CPQ: variants seen among roughly 807,000 people sequenced by gnomAD.
The protein encoded by CPQ is Ser-Met dipeptidase.
Under a neutral mutation model 45.7 loss-of-function variants are expected in CPQ, and 37 were observed. The observed-to-expected ratio is 0.81, with a 90% CI of 0.62 to 1.07. The LOEUF is 1.07. CPQ is among the 50% of genes least tolerant of loss of function. The probability of loss-of-function intolerance (pLI) is 0.00; values close to 1 mark genes in which losing one functional copy is unlikely to be tolerated. For missense variants in CPQ, 537 were observed against 572.9 expected (o/e 0.94, Z 0.64); for synonymous variants, 186 against 205.8 (o/e 0.90, Z 0.82).
chr8:96,710,602 C>T (rs143064964), intron 1 of CPQ, among the ~76,000 whole-genome samples: 45 of 152,132 alleles, frequency 3.0e-4, no homozygotes, highest in East Asian at 1.5e-3. Flanking sequence ...TCATTGCTAC[C>T]GCAAAAATCA....
chr8:97,082,778 C>T (rs1425254679), intron 7 of CPQ, among the ~76,000 whole-genome samples: 1 of 152,130 alleles, frequency 6.6e-6, no homozygotes, highest in African/African-American at 2.4e-5. Context: ...CTGAAGTGTT[C>T]TGTCCTCCCA....
intron 2 of CPQ, among the ~76,000 whole-genome samples, chr8:96,829,739 G>C (rs188761643): frequency 3.4e-4 from 51 of 152,158 alleles, no homozygotes; most frequent in Middle Eastern, 3.4e-3. Flanking sequence ...GCTGATTTAT[G>C]TTCTCTCATG....
intron 2 of CPQ, among the ~76,000 whole-genome samples, chr8:96,833,424 G>C (rs1811485450): frequency 6.6e-6 from 1 of 152,162 alleles, no homozygotes; most frequent in South Asian, 2.1e-4. Flanking sequence ...TTCATTTCTA[G>C]TGGCTCCAAT....
intron 7 of CPQ, among the ~76,000 whole-genome samples, chr8:97,103,863 G>A (rs923792208): frequency 6.6e-6 from 1 of 152,212 alleles, no homozygotes; most frequent in Non-Finnish European, 1.5e-5. Flanking sequence ...ATCATTGGCT[G>A]AGGACTGATC....
Position 97,066,116 on chromosome 8 carries a change from G to C in CPQ, c.1161G>C (p.Glu387Asp). The C allele has an allele frequency of 6.2e-7, 1 of 1,612,454 alleles. No individual in the cohort carries two copies. The highest frequency in any genetic ancestry group is 8.5e-7 in the Non-Finnish European group (1 of 1,179,526). ...GSEKARAIMEEVMSLLQPLNI... is the reference protein window; with the variant it reads ...GSEKARAIMEDVMSLLQPLNI... ...AAAAGGCCAGGGCCATCATGGAGGA[G>C]GTTATGAGCCTGCTGCAGCCCCTCA... Residue 387 changes from glutamate (E) to aspartate (D), a missense_variant, in exon 7 of 8, where the codon GAG (glutamate) becomes GAC (aspartate). Physicochemically the swap from Glu to Asp is conservative, Grantham distance 45. Transcript: ENST00000220763.
At chr8:97,069,882 G>T (rs919189962) in intron 7 of CPQ, among the ~76,000 whole-genome samples, 1 of 152,052 alleles carries the variant, frequency 6.6e-6, no homozygotes, top group South Asian at 2.1e-4. Context: ...TGATAGAACT[G>T]TATATCTATC....
At chr8:96,884,993 G>A (rs1328671511) in intron 4 of CPQ, among the ~76,000 whole-genome samples, 1 of 152,158 alleles carries the variant, frequency 6.6e-6, no homozygotes, top group Non-Finnish European at 1.5e-5. Context: ...TATCTTTGGA[G>A]ACTTGAAAGT....
chr8:96,905,174 GA>G lies in CPQ; in HGVS notation c.849+25170del, dbSNP rs577646562. On this transcript the variant is annotated intron_variant, in intron 4 of 7. Transcript: ENST00000220763. ...CATGGTGACAGGAGAAAGAGAGAGA[GA>G]GAGTGAGGGGGGAAGTGCCACACTT... 9.9e-5 allele frequency among the ~76,000 whole-genome samples: 15 copies of G among 152,224 alleles called. No homozygotes were observed. The South Asian group carries it at 3.1e-3, about 32-fold the overall frequency.
At chr8:97,024,934 T>C (rs1378396123) in intron 5 of CPQ, among the ~76,000 whole-genome samples, 1 of 152,190 alleles carries the variant, frequency 6.6e-6, no homozygotes, top group East Asian at 1.9e-4. Flanking sequence ...TCTGCAAAGT[T>C]AGATCACAGA....
At chr8:96,797,561 G>A (rs1412169346) in intron 2 of CPQ, among the ~76,000 whole-genome samples, 9 of 152,162 alleles carry the variant, frequency 5.9e-5, no homozygotes, top group Admixed American at 3.3e-4. Context: ...GTATCTCCAA[G>A]GGCATTCTGA....
chr8:97,056,265 GA>G (rs1166919719), intron 6 of CPQ: 1 of 152,144 alleles, frequency 6.6e-6, no homozygotes, highest in Non-Finnish European at 1.5e-5. Context: ...GGAGATGCAT[GA>G]AAATATGAAT....
intron 5 of CPQ, among the ~76,000 whole-genome samples, chr8:97,006,622 T>C (rs1809388588): frequency 6.6e-6 from 1 of 152,218 alleles, no homozygotes; most frequent in Non-Finnish European, 1.5e-5. Flanking sequence ...TATTACTGTC[T>C]TTCCCTTTCT....
intron 7 of CPQ, among the ~76,000 whole-genome samples, chr8:97,088,906 A>C (rs756593747): frequency 2.0e-5 from 3 of 152,216 alleles, no homozygotes; most frequent in Non-Finnish European, 4.4e-5. Flanking sequence ...TAGGAAGTCC[A>C]AGCTATACTC....
intron 3 of CPQ, among the ~76,000 whole-genome samples, chr8:96,865,375 G>C (rs968446897): frequency 3.3e-5 from 5 of 152,128 alleles, no homozygotes; most frequent in Admixed American, 3.3e-4. Flanking sequence ...CTCTGTCTTA[G>C]GGAAGAATAA....
intron 4 of CPQ, among the ~76,000 whole-genome samples, chr8:96,946,134 C>A (rs1586461840): frequency 1.3e-5 from 2 of 149,694 alleles, no homozygotes. Context: ...GCTCCTCTTG[C>A]ATTTGATTTC....
At chr8:96,920,478 G>C (rs7002913) in intron 4 of CPQ, among the ~76,000 whole-genome samples, 74,267 of 151,960 alleles carry the variant, frequency 0.49, 20,246 homozygotes, top group Non-Finnish European at 0.62. Context: ...TTCTGCCATT[G>C]TGCTAATTAG....
At chr8:96,973,366 A>G (rs1813715376) in intron 5 of CPQ, among the ~76,000 whole-genome samples, 1 of 152,174 alleles carries the variant, frequency 6.6e-6, no homozygotes, top group South Asian at 2.1e-4. Flanking sequence ...GAAGTTTGGG[A>G]TTATGTTAAA....
chr8:97,038,825 C>CAAAAAAAAAAAAAAAAAAAAAAAAAAA (rs35739621), intron 6 of CPQ, among the ~76,000 whole-genome samples: 1 of 91,874 alleles, frequency 1.1e-5, no homozygotes, highest in Non-Finnish European at 2.1e-5. Flanking sequence ...ACCGTATTTA[C>CAAAAAAAAAAAAAAAAAAAAAAAAAAA]AAAAAAAAAA....
In CPQ at chr8:96,926,634, CCTT is replaced by C. The variant is rs1346468043; in HGVS notation, c.850-39289_850-39287del. ...TTCTTCTTCTTCTTCTCCTCCTTCT[CCTT>C]CTTCTTCTTCTCCTTCTCCTTCTCC... On this transcript the variant is annotated intron_variant, in intron 4 of 7. Coordinates refer to ENST00000220763, the MANE Select transcript of CPQ (RefSeq NM_016134.4). Among the ~76,000 whole-genome samples the C allele has an allele frequency of 1.7e-4, 13 of 74,574 alleles. No individual in the cohort carries two copies. The East Asian group carries it at 2.5e-3, about 14-fold the overall frequency. The allele number at this position is 74,574 out of a possible 152,430, so 48.9% of individuals were successfully genotyped here.
Sources: allele counts gnomAD v4.1 joint callset (sites outside exome capture counted in the v4.1 genomes callset), GRCh38; gene constraint gnomAD v4.1.1; transcripts MANE v1.5; gene names NCBI Gene and HGNC (gene_info 2026-07-23, HGNC 2026-07-21).